Variants in NUP205 observed in about 807,000 individuals in gnomAD.
NUP205 encodes nucleoporin 205.
In NUP205, 76 loss-of-function variants were observed where a neutral mutation model predicts 253.8. That is an observed-to-expected ratio of 0.30 (90% CI 0.25 to 0.36). The LOEUF is 0.36. NUP205 is among the 10% of genes least tolerant of loss of function. The probability of loss-of-function intolerance (pLI) is 1.00; values close to 1 mark genes in which losing one functional copy is unlikely to be tolerated. For missense variants in NUP205, 2,162 were observed against 2,425.5 expected (o/e 0.89, Z 2.28); for synonymous variants, 832 against 850.1 (o/e 0.98, Z 0.37).
intron 25 of NUP205, 69 bp downstream of exon 25, chr7:135,616,795 G>T (rs1290103379): frequency 2.3e-6 from 2 of 887,586 alleles, no homozygotes; most frequent in South Asian, 2.4e-5. Flanking sequence ...AACTTCAAGG[G>T]ATTATTATGC....
rs374916085 is a variant in NUP205 at position 135,610,292 on chromosome 7, C to T, written c.3195+2921C>T. On this transcript the variant is annotated intron_variant, in intron 22 of 42. Coordinates refer to ENST00000285968, the MANE Select transcript of NUP205 (RefSeq NM_015135.3). ...GTGGAGTGCAGTGGCACGATCTCAG[C>T]TCACCGCAACCTCCACCTCCCGGGT... 1.1e-4 allele frequency among the ~76,000 whole-genome samples: 16 copies of T among 152,196 alleles called. No homozygotes were observed. In the East Asian group the frequency reaches 1.2e-3, roughly 11 times the overall value.
At chr7:135,604,613 C>T (rs1794047308) in intron 19 of NUP205, among the ~76,000 whole-genome samples, 153 bp downstream of exon 19, 2 of 152,156 alleles carry the variant, frequency 1.3e-5, no homozygotes, top group South Asian at 4.1e-4. Flanking sequence ...AAAACCTACC[C>T]ACGAACTTGG....
chr7:135,604,260 G>T (rs532976840), intron 18 of NUP205, 80 bp from the exon 19 acceptor site: 3 of 1,273,400 alleles, frequency 2.4e-6, no homozygotes, highest in South Asian at 1.5e-5. Flanking sequence ...GGAAGCCCTG[G>T]TTCTAAATTT....
At chr7:135,576,241 C>A in intron 3 of NUP205, 29 bp from the exon 4 acceptor site, 2 of 1,599,058 alleles carry the variant, frequency 1.3e-6, no homozygotes, top group Non-Finnish European at 1.7e-6. Context: ...TGTTTATTAA[C>A]AATATTATTT....
chr7:135,615,083 C>A (rs1485200701), intron 23 of NUP205, among the ~76,000 whole-genome samples: 2 of 151,900 alleles, frequency 1.3e-5, no homozygotes, highest in Non-Finnish European at 2.9e-5. Flanking sequence ...TTTTAGAAAC[C>A]CTCTTTACAC....
At chr7:135,573,259 C>T (rs1215184227) in intron 2 of NUP205, among the ~76,000 whole-genome samples, 1 of 152,152 alleles carries the variant, frequency 6.6e-6, no homozygotes, top group Non-Finnish European at 1.5e-5. Flanking sequence ...TTTTATATAA[C>T]ATTAATAAAC....
At chr7:135,572,624 C>T (rs75843576) in intron 2 of NUP205, among the ~76,000 whole-genome samples, 3,840 of 152,266 alleles carry the variant, frequency 0.025, 80 homozygotes, top group South Asian at 0.077. Flanking sequence ...TGCAGCGGTG[C>T]GATCTTGGCT....
intron 1 of NUP205, among the ~76,000 whole-genome samples, chr7:135,562,748 T>C (rs1221942430): frequency 1.3e-5 from 2 of 152,088 alleles, no homozygotes; most frequent in East Asian, 3.9e-4. Flanking sequence ...GGTTTCACCG[T>C]GTTGGCCAGG....
intron 1 of NUP205, among the ~76,000 whole-genome samples, chr7:135,566,654 CTCTT>C (rs1348314468): frequency 6.6e-6 from 1 of 152,050 alleles, no homozygotes; most frequent in Non-Finnish European, 1.5e-5. Context: ...TTAGTTTAGG[CTCTT>C]TCTTTCATGT....
At chr7:135,647,515 G>GT (rs1240528800) in intron 42 of NUP205, among the ~76,000 whole-genome samples, 1 of 152,132 alleles carries the variant, frequency 6.6e-6, no homozygotes, top group Non-Finnish European at 1.5e-5. Context: ...TCAGAAGTTT[G>GT]TTTGTTTGTT....
chr7:135,595,579 T>C (rs935217826), intron 13 of NUP205, among the ~76,000 whole-genome samples: 3 of 152,112 alleles, frequency 2.0e-5, no homozygotes, highest in African/African-American at 7.2e-5. Context: ...TATGAGGGTT[T>C]ATTGCCAGGA....
At chr7:135,558,308 A>G (rs11766433) in intron 1 of NUP205, 81,799 of 372,744 alleles carry the variant, frequency 0.22, 10,754 homozygotes, top group East Asian at 0.5. Flanking sequence ...TGGAATACGC[A>G]TCAGGTCTTC....
chr7:135,604,431 A>G lies in NUP205; in HGVS notation c.2794A>G (p.Lys932Glu). The change falls in exon 19 of 43, where the codon AAG becomes GAG. Residue 932 changes from lysine (K) to glutamate (E), a missense_variant. By Grantham distance (56) the Lys-to-Glu change is moderately conservative (BLOSUM62 1). Coordinates refer to ENST00000285968, the MANE Select transcript of NUP205 (RefSeq NM_015135.3). Reference protein sequence around the residue: ...CISCNSNIQIKLVGDFTHDQS... With the variant: ...CISCNSNIQIELVGDFTHDQS... ...CTCTTGCAACTCTAATATTCAGATAAAGTTGGTTGGAGATTTCACACATGA... is the reference window on the plus strand; with the variant it reads ...CTCTTGCAACTCTAATATTCAGATAGAGTTGGTTGGAGATTTCACACATGA... 1 of 1,608,732 alleles carries G rather than the reference A, an allele frequency of 6.2e-7. No individual in the cohort carries two copies. Among genetic ancestry groups the G allele is most frequent in the African/African-American group, 1.3e-5 (1 of 74,758 alleles).
At chr7:135,615,891 CAA>C (rs1794345855) in intron 23 of NUP205, 23 bp from the exon 24 acceptor site, 1 of 1,585,106 alleles carries the variant, frequency 6.3e-7, no homozygotes, top group Admixed American at 1.8e-5. Flanking sequence ...CTCTGGGAAA[CAA>C]AATTTACATG....
At chr7:135,564,146 A>AG (rs1488062225) in intron 1 of NUP205, among the ~76,000 whole-genome samples, 1 of 151,106 alleles carries the variant, frequency 6.6e-6, no homozygotes, top group Non-Finnish European at 1.5e-5. Flanking sequence ...TGGCTCAGTC[A>AG]TGGCATACTA....
At position 135,604,451 on chromosome 7, in the gene NUP205, A is replaced by C. The variant is rs780690671; in HGVS notation, c.2814A>C (p.Thr938=). The C allele has an allele frequency of 6.2e-7, 1 of 1,604,434 alleles. No homozygotes were observed. Among genetic ancestry groups the C allele is most frequent in the South Asian group, 1.1e-5 (1 of 88,362 alleles). ...AGATAAAGTTGGTTGGAGATTTCAC[A>C]CATGACCAGGTAACTGATTTTGTTG... ...NIQIKLVGDF[T]HDQSISQKLM... is the part of the protein sequence containing the mutation. Residue 938 remains threonine, a synonymous_variant, in exon 19 of 43, where the codon ACA becomes ACC. Coordinates refer to ENST00000285968, the MANE Select transcript of NUP205 (RefSeq NM_015135.3).
In NUP205 at chr7:135,648,462, T is replaced by C; in HGVS notation, c.5945T>C (p.Ile1982Thr). 1.2e-6 allele frequency: 2 copies of C among 1,607,750 alleles called. No homozygotes were observed. Among genetic ancestry groups the C allele is most frequent in the African/African-American group, 1.3e-5 (1 of 74,498 alleles). ...GESLQKKLLDIEGLYSKVRSR... is the reference protein window; with the variant it reads ...GESLQKKLLDTEGLYSKVRSR... ...TCACTACAAAAGAAACTTCTGGACA[T>C]TGAAGGATTATATTCAAAAGTTCGA... is the stretch of plus-strand genomic sequence containing the variant. The change falls in exon 43 of 43, where the codon ATT becomes ACT. Residue 1982 changes from isoleucine (I) to threonine (T), a missense_variant. By Grantham distance (89) the Ile-to-Thr change is moderately conservative. Around this residue, in one of 5 missense-constraint regions of NUP205, gnomAD observed 1,144 missense variants for 1,280.9 expected, o/e 0.89. Transcript: ENST00000285968.
rs762885709 is a variant in NUP205, at chr7:135,571,091, A to AT, written c.29-8dup. The stretch of plus-strand genomic sequence containing the variant: ...GTTTTCTTTGACGGTGGTTTCATTT[A>AT]TTTTTTCTTTAAGCTGCTAGTCTAT... On this transcript the variant is annotated splice_polypyrimidine_tract_variant and intron_variant, in intron 1 of 42. Coordinates refer to ENST00000285968, the MANE Select transcript of NUP205 (RefSeq NM_015135.3). 1.3e-6 allele frequency: 2 copies of AT among 1,536,916 alleles called. No individual in the cohort carries two copies. Among genetic ancestry groups the AT allele is most frequent in the Non-Finnish European group, 8.8e-7 (1 of 1,141,298 alleles).
intron 18 of NUP205, among the ~76,000 whole-genome samples, chr7:135,603,496 C>G (rs1794009426): frequency 1.3e-5 from 2 of 151,172 alleles, no homozygotes; most frequent in Non-Finnish European, 2.9e-5. Context: ...TTCTAAGAAT[C>G]TAAGTCTACT....
Sources: gnomAD v4.1 joint callset for allele counts (sites outside exome capture counted in the v4.1 genomes callset) on GRCh38, gnomAD v4.1.1 for gene constraint, gnomAD v4.1.1 regional missense constraint, MANE v1.5 for transcripts, NCBI Gene and HGNC (gene_info 2026-07-23, HGNC 2026-07-21) for gene names.